SMURF2: variants seen among roughly 807,000 people sequenced by gnomAD.
SMURF2 encodes E3 ubiquitin-protein ligase SMURF2.
Under a neutral mutation model 109.6 loss-of-function variants are expected in SMURF2, and 48 were observed. The ratio of observed to expected loss-of-function variants is 0.44; its 90% CI spans 0.35 to 0.56. SMURF2 has a LOEUF of 0.56. SMURF2 is among the 20% of genes least tolerant of loss of function. The pLI is 0.01. For synonymous variants in SMURF2, 288 were observed against 317.1 expected (o/e 0.91, Z 0.97); for missense variants, 575 against 909.0 (o/e 0.63, Z 4.72).
intron 5 of SMURF2, among the ~76,000 whole-genome samples, chr17:64,587,020 G>A (rs773275102): frequency 3.2e-4 from 49 of 151,402 alleles, no homozygotes; most frequent in Admixed American, 5.9e-4. Context: ...AAAATTAGCC[G>A]GGTGAGGAAC....
At chr17:64,644,939 C>T (rs150043145) in intron 1 of SMURF2, among the ~76,000 whole-genome samples, 185 of 149,370 alleles carry the variant, frequency 1.2e-3, no homozygotes, top group African/African-American at 4.1e-3. Context: ...ACCCAGAAGG[C>T]AGAGGTTGCA....
chr17:64,656,599 C>T (rs750840181), intron 1 of SMURF2, among the ~76,000 whole-genome samples: 4 of 151,790 alleles, frequency 2.6e-5, no homozygotes, highest in African/African-American at 9.7e-5. Context: ...CTCATGAAAC[C>T]TTAAAAATAT....
rs1162370696 is a variant in SMURF2, at chr17:64,557,520, C to T, written c.1431+88G>A. The stretch of plus-strand genomic sequence containing the variant: ...TCAAAGGGCACAACTAAGACAAGGA[C>T]AAATAATTTCTATATAATAAACTAC... On this transcript the variant is annotated intron_variant, in intron 13 of 18. Transcript: ENST00000262435. The T allele has an allele frequency of 7.6e-6, 7 of 924,412 alleles. No individual in the cohort carries two copies. The Admixed American group carries it at 1.8e-4, about 24-fold the overall frequency. The allele number at this position is 924,412 out of a possible 1,614,324, so 57.3% of individuals were successfully genotyped here.
intron 8 of SMURF2, 123 bp from the exon 9 acceptor site, chr17:64,578,699 T>C (rs898657577): frequency 3.2e-6 from 2 of 633,942 alleles, no homozygotes; most frequent in Admixed American, 3.2e-5. Flanking sequence ...ATTTTATTTA[T>C]TATCAAAAAA....
At chr17:64,631,320 G>GAGAGAGAC (rs1568203019) in intron 1 of SMURF2, among the ~76,000 whole-genome samples, 16 of 122,358 alleles carry the variant, frequency 1.3e-4, no homozygotes, top group African/African-American at 4.9e-4. Flanking sequence ...GAGAGAGAGA[G>GAGAGAGAC]AGAGAGACAG....
chr17:64,590,347 T>C (rs1555687592), intron 5 of SMURF2, among the ~76,000 whole-genome samples: 2 of 152,022 alleles, frequency 1.3e-5, no homozygotes. Flanking sequence ...TTCACCATGT[T>C]GGCCAGGCTG....
Position 64,545,819 on chromosome 17 carries a change from T to TA in SMURF2, c.*28dup, listed in dbSNP as rs1568168219. ...AGGCTGTCAGTCAGGGTTGTATAAATAGAGTCCTGGGTAAATCCTTGAAGC... is the reference window on the plus strand; with the variant it reads ...AGGCTGTCAGTCAGGGTTGTATAAATAAGAGTCCTGGGTAAATCCTTGAAGC... On this transcript the variant is annotated 3_prime_UTR_variant, in exon 19 of 19. Coordinates refer to ENST00000262435, the MANE Select transcript of SMURF2 (RefSeq NM_022739.4). 7.6e-7 allele frequency: 1 copy of TA among 1,314,620 alleles called. No homozygotes were observed. Among genetic ancestry groups the TA allele is most frequent in the Non-Finnish European group, 1.1e-6 (1 of 916,192 alleles). The allele number at this position is 1,314,620 out of a possible 1,614,324, so 81.4% of individuals were successfully genotyped here.
intron 2 of SMURF2, among the ~76,000 whole-genome samples, chr17:64,603,940 A>T (rs559620518): frequency 2.0e-5 from 3 of 152,332 alleles, no homozygotes; most frequent in Non-Finnish European, 2.9e-5. Flanking sequence ...TTTGTATTAA[A>T]ATTTGCTTTT....
At chr17:64,554,709 T>C (rs782429966) in intron 15 of SMURF2, 147 bp downstream of exon 15, 13 of 687,340 alleles carry the variant, frequency 1.9e-5, no homozygotes, top group Admixed American at 1.5e-4. Context: ...TGAGAAATAA[T>C]AAAATGTCTG....
At chr17:64,577,201 A>G (rs1969505283) in intron 9 of SMURF2, among the ~76,000 whole-genome samples, 1 of 152,190 alleles carries the variant, frequency 6.6e-6, no homozygotes, top group South Asian at 2.1e-4. Context: ...GGGCACATAT[A>G]CACCATGGAA....
At chr17:64,613,721 T>A (rs1481670211) in intron 1 of SMURF2, among the ~76,000 whole-genome samples, 4 of 137,548 alleles carry the variant, frequency 2.9e-5, no homozygotes, top group South Asian at 4.9e-4. Flanking sequence ...TGTGTGTGTG[T>A]GTGTGTGTGT....
chr17:64,560,088 G>A (rs1355775870), intron 12 of SMURF2, among the ~76,000 whole-genome samples: 10 of 151,432 alleles, frequency 6.6e-5, no homozygotes, highest in African/African-American at 2.4e-4. Flanking sequence ...GGAAGCATGT[G>A]CCTATAGTCC....
Position 64,591,094 on chromosome 17 carries a change from T to C in SMURF2, c.390A>G (p.Gly130=). The C allele has an allele frequency of 6.2e-7, 1 of 1,612,618 alleles. No homozygotes were observed. Among genetic ancestry groups the C allele is most frequent in the Non-Finnish European group, 8.5e-7 (1 of 1,179,066 alleles). Residue 130 remains glycine (G), a synonymous_variant, in exon 5 of 19, where the codon GGA becomes GGG. Coordinates refer to ENST00000262435, the MANE Select transcript of SMURF2 (RefSeq NM_022739.4). ...LGPNDNDTVR[G]QIVVSLQSRD... ...AAATTCCACACTTACCTACTATCTG[T>C]CCTCTAACTGTATCATTGTCATTTG...
At chr17:64,631,211 G>A (rs1200112938) in intron 1 of SMURF2, among the ~76,000 whole-genome samples, 3 of 141,360 alleles carry the variant, frequency 2.1e-5, no homozygotes, top group Non-Finnish European at 4.6e-5. Context: ...AAAAAAGGGA[G>A]AGAGGGACGG....
chr17:64,634,656 C>A (rs1308298279), intron 1 of SMURF2, among the ~76,000 whole-genome samples: 1 of 152,178 alleles, frequency 6.6e-6, no homozygotes, highest in African/African-American at 2.4e-5. Flanking sequence ...TATTTACTGT[C>A]TCCTGTTCTT....
chr17:64,610,592 C>T (rs1555689458), intron 1 of SMURF2, among the ~76,000 whole-genome samples: 1 of 152,104 alleles, frequency 6.6e-6, no homozygotes, highest in East Asian at 1.9e-4. Flanking sequence ...GAACATCACA[C>T]ACTGGGGCCT....
intron 4 of SMURF2, 22 bp from the exon 5 acceptor site, chr17:64,591,171 A>G: frequency 1.2e-6 from 2 of 1,602,608 alleles, no homozygotes; most frequent in East Asian, 4.5e-5. Context: ...CAACAAAGAA[A>G]GCAACGAAAA....
intron 11 of SMURF2, 78 bp from the exon 12 acceptor site, chr17:64,561,681 T>G (rs1306639253): frequency 1.8e-6 from 2 of 1,095,962 alleles, no homozygotes; most frequent in East Asian, 5.2e-5. Context: ...TGCCAATCCA[T>G]CCAAAAAACT....
chr17:64,562,004 T>TA (rs782021059), intron 11 of SMURF2, among the ~76,000 whole-genome samples: 49 of 146,700 alleles, frequency 3.3e-4, no homozygotes, highest in Non-Finnish European at 6.7e-4. Flanking sequence ...TGTCTCTTTT[T>TA]AAAAAAGAGG....
Sources: allele counts gnomAD v4.1 joint callset (sites outside exome capture counted in the v4.1 genomes callset), GRCh38; gene constraint gnomAD v4.1.1; transcripts MANE v1.5; gene names NCBI Gene and HGNC (gene_info 2026-07-23, HGNC 2026-07-21).